Variants in SERPINB12 observed in about 807,000 individuals in gnomAD.
SERPINB12 encodes serpin family B member 12, also known as serpin B12.
SERPINB12 carries 57 observed loss-of-function variants against 41.1 expected under a neutral mutation model. The observed-to-expected ratio is 1.39, with a 90% confidence interval of 1.12 to 1.73. SERPINB12 has a LOEUF of 1.73. SERPINB12 is among the 40% of genes most tolerant of loss of function. The pLI is 0.00. For missense variants in SERPINB12, 536 were observed against 501.9 expected (o/e 1.07, Z -0.65); for synonymous variants, 180 against 181.3 (o/e 0.99, Z 0.06).
the SERPINB12 span, among the ~76,000 whole-genome samples, chr18:63,520,353 T>C: frequency 2.0e-5 from 3 of 152,114 alleles, no homozygotes; most frequent in Non-Finnish European, 4.4e-5. Context: ...GGGTGGAAGC[T>C]ATTTCTAGGA....
chr18:63,545,759 T>C (rs903855080), intron 1 of SERPINB12, among the ~76,000 whole-genome samples: 11 of 152,160 alleles, frequency 7.2e-5, no homozygotes, highest in African/African-American at 2.7e-4. Context: ...AAGGCTATGA[T>C]GGGCAACATG....
intron 5 of SERPINB12, among the ~76,000 whole-genome samples, chr18:63,562,781 G>T (rs2061131): frequency 0.66 from 99,773 of 152,092 alleles, 33,540 homozygotes; most frequent in Middle Eastern, 0.74. Flanking sequence ...CAGAAAATTT[G>T]AAATGTAGAT....
intron 3 of SERPINB12, among the ~76,000 whole-genome samples, chr18:63,559,250 A>G (rs1298228552): frequency 2.0e-5 from 3 of 151,810 alleles, no homozygotes; most frequent in Non-Finnish European, 4.4e-5. Flanking sequence ...GATTACAGGC[A>G]TGAGCCACCA....
intron 1 of SERPINB12, among the ~76,000 whole-genome samples, chr18:63,554,989 A>G (rs1910628981): frequency 6.6e-6 from 1 of 152,144 alleles, no homozygotes; most frequent in African/African-American, 2.4e-5. Context: ...CGCCTAATGA[A>G]GAAGGTACTT....
At position 63,559,587 on chromosome 18, in the gene SERPINB12, T is replaced by C. The variant is rs1489792717; in HGVS notation, c.313T>C (p.Leu105=). 3 of 1,613,992 alleles carry C rather than the reference T, an allele frequency of 1.9e-6. No homozygotes were observed. The African/African-American group carries it at 4.0e-5, about 22-fold the overall frequency. Reference sequence around the variant, plus strand: ...TTTCTTCTTTCCTTAGGCTGGGTCCTTAAACAATGAGAGCGGACTGGTCAG... The same window carrying C: ...TTTCTTCTTTCCTTAGGCTGGGTCCCTAAACAATGAGAGCGGACTGGTCAG... ...TEPLDQQAGS[L]NNESGLVSCY... Residue 105 remains leucine (L), a synonymous_variant, in exon 4 of 8, where the codon TTA becomes CTA. Transcript: ENST00000382768.
chr18:63,527,970 T>C, the SERPINB12 span, among the ~76,000 whole-genome samples: 1 of 151,872 alleles, frequency 6.6e-6, no homozygotes, highest in African/African-American at 2.4e-5. Context: ...TCTGATGGTT[T>C]TATACGGGGG....
the SERPINB12 span, among the ~76,000 whole-genome samples, chr18:63,520,489 AC>A: frequency 1.2e-4 from 19 of 152,124 alleles, no homozygotes; most frequent in African/African-American, 3.9e-4. Flanking sequence ...CTGGACATCC[AC>A]CCCCAGGAGA....
intron 1 of SERPINB12, among the ~76,000 whole-genome samples, chr18:63,553,671 C>G (rs373702491): frequency 6.6e-6 from 1 of 152,138 alleles, no homozygotes; most frequent in Non-Finnish European, 1.5e-5. Context: ...AAACATTAAC[C>G]TAAGTTATAC....
chr18:63,522,998 T>C, the SERPINB12 span, among the ~76,000 whole-genome samples: 1 of 152,198 alleles, frequency 6.6e-6, no homozygotes, highest in South Asian at 2.1e-4. Context: ...GTTTCCCATA[T>C]AATTCAACAT....
chr18:63,554,729 T>A (rs561753115), intron 1 of SERPINB12, among the ~76,000 whole-genome samples: 1 of 152,304 alleles, frequency 6.6e-6, no homozygotes, highest in Admixed American at 6.5e-5. Flanking sequence ...CTATATTATC[T>A]GTAGTTCTAC....
chr18:63,527,957 A>G, the SERPINB12 span, among the ~76,000 whole-genome samples: 5,169 of 151,928 alleles, frequency 0.034, 308 homozygotes, highest in African/African-American at 0.12. Context: ...AAGTCTCATG[A>G]GATCTGATGG....
At chr18:63,559,536 A>G in intron 3 of SERPINB12, 42 bp from the exon 4 acceptor site, 1 of 1,607,626 alleles carries the variant, frequency 6.2e-7, no homozygotes, top group Non-Finnish European at 8.5e-7. Flanking sequence ...AGCTCTTCTG[A>G]TAGACACAGT....
chr18:63,545,424 T>A (rs957075706), intron 1 of SERPINB12, among the ~76,000 whole-genome samples: 2 of 152,182 alleles, frequency 1.3e-5, no homozygotes, highest in African/African-American at 4.8e-5. Context: ...CATCCCCTTG[T>A]TAGTGATTTA....
chr18:63,556,266 C>T lies in SERPINB12; in HGVS notation c.107C>T (p.Ser36Leu), dbSNP rs767610178. The change falls in exon 2 of 8, where the codon TCA becomes TTA. Residue 36 changes from serine to leucine, a missense_variant. By Grantham distance (145) the Ser-to-Leu change is moderately radical. Transcript: ENST00000382768. ...ATATTTTTCTCTCCCCTGAGCCTCT[C>T]AGCTGCCCTTGGTATGGTACGCTTG... is the stretch of plus-strand genomic sequence containing the variant. ...KNIFFSPLSL[S>L]AALGMVRLGA... 4 of 1,614,112 alleles carry T rather than the reference C, an allele frequency of 2.5e-6. No individual in the cohort carries two copies. The highest frequency in any genetic ancestry group is 2.2e-5 in the South Asian group (2 of 91,066).
intron 3 of SERPINB12, among the ~76,000 whole-genome samples, chr18:63,559,077 C>CT (rs1396205344): frequency 1.9e-5 from 1 of 52,536 alleles, no homozygotes; most frequent in African/African-American, 5.4e-5. Flanking sequence ...TTCTCTCCTT[C>CT]TCTCCTTCTC....
chr18:63,526,158 T>C, the SERPINB12 span, among the ~76,000 whole-genome samples: 2 of 152,174 alleles, frequency 1.3e-5, no homozygotes, highest in African/African-American at 2.4e-5. Context: ...TAAACACTTA[T>C]TTTTTTCCTT....
upstream of SERPINB12, among the ~76,000 whole-genome samples, chr18:63,537,877 C>T (rs749077264): frequency 3.3e-5 from 5 of 152,064 alleles, no homozygotes; most frequent in Non-Finnish European, 7.4e-5. Flanking sequence ...TGAGGGAGCA[C>T]ATTTGGATCA....
At chr18:63,548,788 T>G (rs1910450294) in intron 1 of SERPINB12, among the ~76,000 whole-genome samples, 1 of 152,066 alleles carries the variant, frequency 6.6e-6, no homozygotes, top group South Asian at 2.1e-4. Flanking sequence ...TTTTTTAAGT[T>G]ATTAAGAATG....
the SERPINB12 span, among the ~76,000 whole-genome samples, chr18:63,533,215 A>T: frequency 6.6e-6 from 1 of 152,152 alleles, no homozygotes; most frequent in Admixed American, 6.6e-5. Flanking sequence ...TAACCTCGTG[A>T]TCCGCCCACC....
Sources: allele counts gnomAD v4.1 joint callset (sites outside exome capture counted in the v4.1 genomes callset), GRCh38; gene constraint gnomAD v4.1.1; transcripts MANE v1.5; gene names NCBI Gene and HGNC (gene_info 2026-07-23, HGNC 2026-07-21).